The following GABRG3 variants were observed in gnomAD, a reference collection of about 807,000 sequenced individuals.
The protein encoded by GABRG3 is gamma-aminobutyric acid receptor subunit gamma-3.
In GABRG3, 25 loss-of-function variants were observed where a neutral mutation model predicts 48.8. The observed-to-expected ratio is 0.51, with a 90% CI of 0.37 to 0.72. The LOEUF is 0.72. Among genes scored for constraint, GABRG3 ranks in the 30% least tolerant of loss-of-function variants. The pLI is 0.00. For missense variants in GABRG3, 394 were observed against 577.9 expected (o/e 0.68, Z 3.26); for synonymous variants, 227 against 217.6 (o/e 1.04, Z -0.38).
chr15:27,223,041 T>A (rs1297702849), intron 3 of GABRG3, among the ~76,000 whole-genome samples: 2 of 152,242 alleles, frequency 1.3e-5, no homozygotes, highest in East Asian at 1.9e-4. Context: ...AGATATGGTA[T>A]AATCCAAAGT....
At chr15:27,390,108 C>A (rs139965202) in intron 5 of GABRG3, among the ~76,000 whole-genome samples, 149 of 152,260 alleles carry the variant, frequency 9.8e-4, no homozygotes, top group African/African-American at 3.3e-3. Context: ...TTTAAAAATT[C>A]AAATGCACAT....
intron 3 of GABRG3, among the ~76,000 whole-genome samples, chr15:27,126,432 TA>T (rs1468232010): frequency 2.6e-5 from 4 of 152,138 alleles, no homozygotes; most frequent in Non-Finnish European, 4.4e-5. Flanking sequence ...GTAGCATCAG[TA>T]CTGTTCTCAG....
intron 3 of GABRG3, among the ~76,000 whole-genome samples, chr15:27,153,916 G>T (rs549117124): frequency 6.6e-6 from 1 of 152,004 alleles, no homozygotes; most frequent in South Asian, 2.1e-4. Flanking sequence ...GTTTTTTCTT[G>T]CCTTTTGACA....
intron 3 of GABRG3, among the ~76,000 whole-genome samples, chr15:27,053,500 C>T (rs1896489510): frequency 6.6e-6 from 1 of 152,188 alleles, no homozygotes; most frequent in Non-Finnish European, 1.5e-5. Context: ...GTTGGAGAGG[C>T]TGCAGAGAAA....
intron 5 of GABRG3, among the ~76,000 whole-genome samples, chr15:27,427,557 C>A (rs1888329157): frequency 6.6e-6 from 1 of 152,160 alleles, no homozygotes; most frequent in African/African-American, 2.4e-5. Context: ...ATTAATGCTT[C>A]TATTATTTTC....
chr15:27,121,664 C>A (rs1897734234), intron 3 of GABRG3, among the ~76,000 whole-genome samples: 2 of 152,198 alleles, frequency 1.3e-5, no homozygotes, highest in Admixed American at 1.3e-4. Context: ...GTAATTTGCC[C>A]AAGGTCATAA....
chr15:26,989,556 C>G (rs2140645716), intron 2 of GABRG3, among the ~76,000 whole-genome samples: 1 of 152,268 alleles, frequency 6.6e-6, no homozygotes, highest in Middle Eastern at 3.4e-3. Flanking sequence ...TTGGTACAAG[C>G]ATGCAATGCA....
intron 5 of GABRG3, among the ~76,000 whole-genome samples, chr15:27,409,293 G>T (rs1471498395): frequency 6.6e-6 from 1 of 151,998 alleles, no homozygotes. Context: ...ATAGATTAAG[G>T]TTTGGTGCGG....
chr15:27,314,254 C>T (rs912369298), intron 3 of GABRG3, among the ~76,000 whole-genome samples: 1 of 152,142 alleles, frequency 6.6e-6, no homozygotes, highest in Non-Finnish European at 1.5e-5. Context: ...GGACTAAAGA[C>T]TTGACTATAC....
At chr15:27,071,528 C>T (rs1896827078) in intron 3 of GABRG3, among the ~76,000 whole-genome samples, 1 of 152,238 alleles carries the variant, frequency 6.6e-6, no homozygotes. Context: ...TGACGGATGT[C>T]TGCCTTTCAG....
chr15:27,070,402 A>T (rs1386856498), intron 3 of GABRG3, among the ~76,000 whole-genome samples: 1 of 152,200 alleles, frequency 6.6e-6, no homozygotes, highest in Non-Finnish European at 1.5e-5. Context: ...CACATAGAAC[A>T]TTCCATTATG....
chr15:27,403,727 A>G lies in GABRG3; in HGVS notation c.574+74839A>G, dbSNP rs140883969. Reference sequence around the variant, plus strand: ...CAGGAGATGGAGACCAGCCTGGTCAACATGGTGAAACCCCGTCTCTACTAA... The same window carrying G: ...CAGGAGATGGAGACCAGCCTGGTCAGCATGGTGAAACCCCGTCTCTACTAA... On this transcript the variant is annotated intron_variant, in intron 5 of 9. Transcript: ENST00000615808. Among the ~76,000 whole-genome samples the G allele has an allele frequency of 8.9e-3, 1,347 of 151,524 alleles. 15 individuals carry two copies. The highest frequency in any genetic ancestry group is 0.031 in the African/African-American group (1,265 of 41,240).
intron 3 of GABRG3, among the ~76,000 whole-genome samples, chr15:27,189,062 G>A (rs139194199): frequency 0.05 from 7,611 of 152,104 alleles, 233 homozygotes; most frequent in South Asian, 0.08. Context: ...GTTTCTGAGG[G>A]CTCTGTTCTG....
chr15:27,394,061 T>C (rs552754331), intron 5 of GABRG3, among the ~76,000 whole-genome samples: 1 of 152,340 alleles, frequency 6.6e-6, no homozygotes, highest in African/African-American at 2.4e-5. Flanking sequence ...GCCTTTCAAC[T>C]GTATTATTTT....
chr15:27,308,676 C>A (rs560045925), intron 3 of GABRG3, among the ~76,000 whole-genome samples: 2 of 148,906 alleles, frequency 1.3e-5, no homozygotes, highest in Admixed American at 1.3e-4. Context: ...TGTAAACATA[C>A]GCTTATGTAT....
At chr15:27,316,293 C>T (rs992006362) in intron 3 of GABRG3, among the ~76,000 whole-genome samples, 34 of 145,216 alleles carry the variant, frequency 2.3e-4, no homozygotes, top group Non-Finnish European at 4.0e-4. Flanking sequence ...GAGGCTGAGG[C>T]AGGAGAATGG....
At chr15:27,432,976 C>A (rs960752639) in intron 5 of GABRG3, among the ~76,000 whole-genome samples, 1 of 152,216 alleles carries the variant, frequency 6.6e-6, no homozygotes, top group Non-Finnish European at 1.5e-5. Context: ...TTCTTCATCT[C>A]TTTCTGCACT....
chr15:27,406,108 G>A (rs571417699), intron 5 of GABRG3, among the ~76,000 whole-genome samples: 14 of 152,186 alleles, frequency 9.2e-5, no homozygotes, highest in Admixed American at 8.5e-4. Context: ...TCTGGGCAAT[G>A]TGTTGAGACT....
At chr15:27,409,568 G>A (rs1291456184) in intron 5 of GABRG3, among the ~76,000 whole-genome samples, 4 of 152,044 alleles carry the variant, frequency 2.6e-5, no homozygotes, top group Non-Finnish European at 5.9e-5. Flanking sequence ...GTTTTAGCTA[G>A]TCAAATTCCT....
Sources: gnomAD v4.1 joint callset for allele counts (sites outside exome capture counted in the v4.1 genomes callset) on GRCh38, gnomAD v4.1.1 for gene constraint, MANE v1.5 for transcripts, NCBI Gene and HGNC (gene_info 2026-07-23, HGNC 2026-07-21) for gene names.